PRKG1: variants seen among roughly 807,000 people sequenced by gnomAD.
PRKG1 encodes the protein cGMP-dependent protein kinase 1.
A neutral mutation model predicts 88.1 loss-of-function variants in PRKG1; 35 were observed. The observed-to-expected ratio is 0.40, with a 90% CI of 0.30 to 0.53. The LOEUF is 0.53. Ranked by LOEUF, PRKG1 falls within the 20% of genes least tolerant of loss-of-function variation. PRKG1 has a pLI of 0.59. For missense variants in PRKG1, 540 were observed against 839.8 expected, an observed-to-expected ratio of 0.64 and a Z score of 4.41; for synonymous variants, 303 against 292.5, an observed-to-expected ratio of 1.04 and a Z score of -0.37.
chr10:51,089,545 T>C (rs1777392893), intron 1 of PRKG1, among the ~76,000 whole-genome samples: 1 of 152,196 alleles, frequency 6.6e-6, no homozygotes, highest in Non-Finnish European at 1.5e-5. Flanking sequence ...TGCTTGTATA[T>C]TGTCTCTTAG....
chr10:50,992,267 G>T (rs1842791066), intron 1 of PRKG1, among the ~76,000 whole-genome samples: 1 of 152,176 alleles, frequency 6.6e-6, no homozygotes, highest in Admixed American at 6.5e-5. Context: ...GGCGAGGAGG[G>T]GAGAGGTTTA....
intron 1 of PRKG1, among the ~76,000 whole-genome samples, chr10:51,020,708 A>C (rs527242560): frequency 1.2e-4 from 18 of 152,324 alleles, no homozygotes; most frequent in African/African-American, 3.8e-4. Context: ...ATGCCTCAGA[A>C]ATTAACCCCA....
At chr10:52,005,948 G>A (rs1014704378) in intron 5 of PRKG1, among the ~76,000 whole-genome samples, 5 of 152,008 alleles carry the variant, frequency 3.3e-5, no homozygotes, top group East Asian at 1.9e-4. Context: ...ACACCGAGAA[G>A]AAGAACTGAA....
chr10:51,374,635 T>C (rs1326538054), intron 2 of PRKG1, among the ~76,000 whole-genome samples: 1 of 152,100 alleles, frequency 6.6e-6, no homozygotes, highest in Admixed American at 6.6e-5. Flanking sequence ...CTCCAGAGGA[T>C]ACAGTGTTCA....
intron 1 of PRKG1, among the ~76,000 whole-genome samples, chr10:51,101,629 A>T (rs1215699256): frequency 1.3e-5 from 2 of 152,166 alleles, no homozygotes; most frequent in Admixed American, 1.3e-4. Flanking sequence ...TTCCCCAAAC[A>T]TCCATGAAAT....
chr10:51,533,724 T>C (rs1842074136), intron 3 of PRKG1, among the ~76,000 whole-genome samples: 1 of 152,214 alleles, frequency 6.6e-6, no homozygotes, highest in African/African-American at 2.4e-5. Context: ...GGTATCCATG[T>C]ATCTTTAAAG....
chr10:51,859,280 A>G (rs1840804841), intron 4 of PRKG1, among the ~76,000 whole-genome samples: 3 of 152,132 alleles, frequency 2.0e-5, no homozygotes, highest in African/African-American at 7.2e-5. Flanking sequence ...CTGTGCAAAC[A>G]TGGCCGGGTG....
intron 3 of PRKG1, among the ~76,000 whole-genome samples, chr10:51,549,033 A>C (rs185154936): frequency 2.0e-4 from 30 of 151,762 alleles, no homozygotes; most frequent in African/African-American, 7.2e-4. Context: ...GTCAAGAATA[A>C]TCATGTTATA....
chr10:51,332,763 G>A (rs919157207), intron 2 of PRKG1, among the ~76,000 whole-genome samples: 1 of 152,130 alleles, frequency 6.6e-6, no homozygotes, highest in African/African-American at 2.4e-5. Flanking sequence ...TCTTTGCCTA[G>A]AAGGAACCAC....
rs146641978 is a variant in PRKG1, at chr10:51,441,381, T to C, written c.479-26342T>C. Among the ~76,000 whole-genome samples, 15 of 152,180 alleles carry C rather than the reference T, an allele frequency of 9.9e-5. No homozygotes were observed. The East Asian group carries it at 2.3e-3, about 24-fold the overall frequency. On this transcript the variant is annotated intron_variant, in intron 2 of 17. Transcript: ENST00000373980. ...TTTCCATTTTGTAACTTCCTTTTTCTTAATCAATTTGCACCTTTATTTTTA... is the reference window on the plus strand; with the variant it reads ...TTTCCATTTTGTAACTTCCTTTTTCCTAATCAATTTGCACCTTTATTTTTA...
intron 2 of PRKG1, among the ~76,000 whole-genome samples, chr10:51,236,131 A>G (rs1018461834): frequency 2.0e-5 from 3 of 152,162 alleles, no homozygotes; most frequent in Non-Finnish European, 4.4e-5. Flanking sequence ...GTTCCAGAGT[A>G]TGACTTTTCA....
At chr10:51,237,563 C>T (rs559295025) in intron 2 of PRKG1, among the ~76,000 whole-genome samples, 1 of 152,182 alleles carries the variant, frequency 6.6e-6, no homozygotes, top group Non-Finnish European at 1.5e-5. Context: ...AGATGACATA[C>T]ACAGCATTGA....
At chr10:51,640,129 C>T (rs1371770399) in intron 3 of PRKG1, among the ~76,000 whole-genome samples, 2 of 152,202 alleles carry the variant, frequency 1.3e-5, no homozygotes, top group Non-Finnish European at 2.9e-5. Context: ...TCATCATCAC[C>T]ATTTCTACCA....
chr10:51,947,266 C>A (rs1843065582), intron 5 of PRKG1, among the ~76,000 whole-genome samples: 2 of 152,148 alleles, frequency 1.3e-5, no homozygotes, highest in Non-Finnish European at 2.9e-5. Flanking sequence ...ACCCTCGGAG[C>A]CAGGTGTGGG....
At chr10:51,598,678 A>T (rs577151726) in intron 3 of PRKG1, among the ~76,000 whole-genome samples, 1 of 152,360 alleles carries the variant, frequency 6.6e-6, no homozygotes, top group South Asian at 2.1e-4. Context: ...AGGCTATATG[A>T]TGTTTAATCT....
chr10:51,853,579 C>A (rs1164368342), intron 4 of PRKG1, among the ~76,000 whole-genome samples: 1 of 152,126 alleles, frequency 6.6e-6, no homozygotes, highest in Non-Finnish European at 1.5e-5. Flanking sequence ...GCTGATAATT[C>A]TTTAGCAGAC....
upstream of PRKG1, chr10:51,074,356 C>G (rs1177323930): frequency 3.6e-6 from 4 of 1,108,162 alleles, no homozygotes; most frequent in Middle Eastern, 3.2e-4. Context: ...CTGGTTTGCT[C>G]TCCCCGCTCT....
At chr10:51,501,226 G>A (rs1213495919) in intron 3 of PRKG1, among the ~76,000 whole-genome samples, 2 of 152,024 alleles carry the variant, frequency 1.3e-5, no homozygotes, top group Admixed American at 6.6e-5. Context: ...TAGCAGTATT[G>A]GGGGCCCACT....
intron 3 of PRKG1, among the ~76,000 whole-genome samples, chr10:51,615,048 T>G (rs1433771729): frequency 1.5e-5 from 1 of 68,670 alleles, no homozygotes; most frequent in East Asian, 4.8e-4. Context: ...TATATTCAAC[T>G]TTGAATATAT....
Sources: gnomAD v4.1 joint callset for allele counts (sites outside exome capture counted in the v4.1 genomes callset) on GRCh38, gnomAD v4.1.1 for gene constraint, MANE v1.5 for transcripts, NCBI Gene and HGNC (gene_info 2026-07-23, HGNC 2026-07-21) for gene names.